EPHA7: variants seen among roughly 807,000 people sequenced by gnomAD.
EPHA7 encodes ephrin type-A receptor 7.
A neutral mutation model predicts 112.6 loss-of-function variants in EPHA7; 25 were observed. The ratio of observed to expected loss-of-function variants is 0.22; its 90% CI spans 0.16 to 0.31. The LOEUF (loss-of-function observed/expected upper bound fraction) is 0.31, where lower values mean the gene tolerates loss of function less well. EPHA7 is among the 10% of genes least tolerant of loss of function. EPHA7 has a pLI of 1.00. For missense variants in EPHA7, 962 were observed against 1,212.6 expected, an observed-to-expected ratio of 0.79 and a Z score of 3.07; for synonymous variants, 437 against 406.5, an observed-to-expected ratio of 1.07 and a Z score of -0.90.
chr6:93,322,464 A>C (rs1774122350), intron 5 of EPHA7, among the ~76,000 whole-genome samples: 3 of 151,598 alleles, frequency 2.0e-5, no homozygotes, highest in Admixed American at 1.3e-4. Flanking sequence ...TTATTATTTC[A>C]TAGAGGGGTG....
chr6:93,340,386 T>C lies in EPHA7; in HGVS notation c.1324+16331A>G, dbSNP rs576003893. On this transcript the variant is annotated intron_variant, in intron 5 of 16. Transcript: ENST00000369303. ...TTATTAAATTATCACATCTTCATTCTAGAAATATTATGGATACAGGTTTAG... is the reference window on the plus strand; with the variant it reads ...TTATTAAATTATCACATCTTCATTCCAGAAATATTATGGATACAGGTTTAG... Among the ~76,000 whole-genome samples the C allele has an allele frequency of 2.5e-4, 38 of 152,006 alleles. No individual in the cohort carries two copies. The South Asian group carries it at 7.7e-3, about 31-fold the overall frequency.
chr6:93,296,762 C>T (rs1412275029), intron 5 of EPHA7, among the ~76,000 whole-genome samples: 1 of 151,760 alleles, frequency 6.6e-6, no homozygotes, highest in Admixed American at 6.6e-5. Flanking sequence ...TACATACTTA[C>T]ATACATTGCC....
chr6:93,288,470 A>T (rs1014346407), intron 5 of EPHA7, among the ~76,000 whole-genome samples: 3 of 152,200 alleles, frequency 2.0e-5, no homozygotes, highest in Non-Finnish European at 4.4e-5. Flanking sequence ...CTAATACTGG[A>T]TTGTGGTGAT....
intron 5 of EPHA7, among the ~76,000 whole-genome samples, chr6:93,299,863 T>C (rs1772882715): frequency 6.6e-6 from 1 of 152,122 alleles, no homozygotes; most frequent in Admixed American, 6.5e-5. Flanking sequence ...CTTAGCAAAG[T>C]AGCAGAGGAA....
At chr6:93,261,672 T>C (rs1457434850) in intron 9 of EPHA7, among the ~76,000 whole-genome samples, 2 of 151,556 alleles carry the variant, frequency 1.3e-5, no homozygotes, top group African/African-American at 2.4e-5. Flanking sequence ...CTTTTGTATT[T>C]TAAAATATTA....
chr6:93,264,741 C>A, intron 7 of EPHA7, 39 bp from the exon 8 acceptor site: 1 of 1,244,960 alleles, frequency 8.0e-7, no homozygotes, highest in South Asian at 1.4e-5. Context: ...TACTTGACAC[C>A]ATGCAAGAAC....
chr6:93,337,657 T>A (rs1774941210), intron 5 of EPHA7, among the ~76,000 whole-genome samples: 1 of 152,172 alleles, frequency 6.6e-6, no homozygotes, highest in Admixed American at 6.6e-5. Context: ...AATATTTTTC[T>A]ATGTCAAACA....
At chr6:93,273,503 T>C (rs1771330259) in intron 5 of EPHA7, among the ~76,000 whole-genome samples, 1 of 151,986 alleles carries the variant, frequency 6.6e-6, no homozygotes. Flanking sequence ...CTACTTAATA[T>C]TTTCTTGTAT....
intron 1 of EPHA7, among the ~76,000 whole-genome samples, chr6:93,416,009 G>C (rs1779203609): frequency 6.6e-6 from 1 of 152,050 alleles, no homozygotes; most frequent in South Asian, 2.1e-4. Context: ...AATAGATATA[G>C]AGACCCAGGA....
At position 93,344,194 on chromosome 6, in the gene EPHA7, T is replaced by C. The variant is rs566140165; in HGVS notation, c.1324+12523A>G. 5.9e-5 allele frequency among the ~76,000 whole-genome samples: 9 copies of C among 151,774 alleles called. No homozygotes were observed. In the South Asian group the frequency reaches 1.5e-3, roughly 24 times the overall value. ...GTGTATAAACAGTCCTTTGATGTTA[T>C]AGCATTTAATATTAATGATACTATC... On this transcript the variant is annotated intron_variant, in intron 5 of 16. Transcript: ENST00000369303.
At chr6:93,253,067 C>T (rs1415086847) in intron 14 of EPHA7, among the ~76,000 whole-genome samples, 1 of 151,840 alleles carries the variant, frequency 6.6e-6, no homozygotes, top group African/African-American at 2.4e-5. Context: ...TCCTGTCAGT[C>T]CCTTTATGTT....
At chr6:93,374,963 A>C (rs1776979672) in intron 3 of EPHA7, among the ~76,000 whole-genome samples, 1 of 152,146 alleles carries the variant, frequency 6.6e-6, no homozygotes, top group East Asian at 1.9e-4. Flanking sequence ...AACATACAAA[A>C]ATTTCTGAAT....
intron 5 of EPHA7, among the ~76,000 whole-genome samples, chr6:93,350,272 T>C (rs994464482): frequency 3.3e-5 from 5 of 152,022 alleles, no homozygotes; most frequent in Non-Finnish European, 7.4e-5. Context: ...ACTTAACAGC[T>C]CTTATCACTG....
chr6:93,248,373 A>G (rs1354939331), intron 14 of EPHA7, among the ~76,000 whole-genome samples: 3 of 152,196 alleles, frequency 2.0e-5, no homozygotes, highest in South Asian at 2.1e-4. Context: ...CTTTAAGAAA[A>G]ATCTCTAACT....
chr6:93,262,636 C>A (rs1461363231), intron 9 of EPHA7, among the ~76,000 whole-genome samples: 1 of 151,150 alleles, frequency 6.6e-6, no homozygotes, highest in East Asian at 1.9e-4. Flanking sequence ...CCCCACATGC[C>A]CTTCTTATCA....
Position 93,376,692 on chromosome 6 carries a change from C to T in EPHA7, c.833-18281G>A, listed in dbSNP as rs555071436. 6.6e-5 allele frequency among the ~76,000 whole-genome samples: 10 copies of T among 152,258 alleles called. No individual in the cohort carries two copies. In the South Asian group the frequency reaches 2.1e-3, roughly 32 times the overall value. ...GTATGCATAAATGCATACCCTGTAA[C>T]GGAAGCCCCACATTTGAGGAAATGT... On this transcript the variant is annotated intron_variant, in intron 3 of 16. Coordinates refer to ENST00000369303, the MANE Select transcript of EPHA7 (RefSeq NM_004440.4).
At chr6:93,276,653 A>T (rs1771486060) in intron 5 of EPHA7, among the ~76,000 whole-genome samples, 1 of 152,098 alleles carries the variant, frequency 6.6e-6, no homozygotes, top group African/African-American at 2.4e-5. Flanking sequence ...AAGCAGACCT[A>T]CTGAAATTTT....
At chr6:93,357,509 T>G (rs1776010530) in intron 4 of EPHA7, among the ~76,000 whole-genome samples, 1 of 152,206 alleles carries the variant, frequency 6.6e-6, no homozygotes. Flanking sequence ...GGCTTTGGAT[T>G]TGGATCTCTC....
chr6:93,284,648 A>G (rs1182874875), intron 5 of EPHA7, among the ~76,000 whole-genome samples: 2 of 152,186 alleles, frequency 1.3e-5, no homozygotes, highest in Admixed American at 1.3e-4. Flanking sequence ...AATATACACA[A>G]TGGAATACTA....
Sources: allele counts gnomAD v4.1 joint callset (sites outside exome capture counted in the v4.1 genomes callset), GRCh38; gene constraint gnomAD v4.1.1; transcripts MANE v1.5; gene names NCBI Gene and HGNC (gene_info 2026-07-23, HGNC 2026-07-21).